TNNT3: variants seen among roughly 807,000 people sequenced by gnomAD.
TNNT3 encodes the protein troponin T, fast skeletal muscle.
Under a neutral mutation model 54.2 loss-of-function variants are expected in TNNT3, and 36 were observed. The ratio of observed to expected loss-of-function variants is 0.66; its 90% CI spans 0.51 to 0.88. The LOEUF (loss-of-function observed/expected upper bound fraction) is 0.88. Among genes scored for constraint, TNNT3 ranks in the 40% least tolerant of loss-of-function variants. TNNT3 has a pLI of 0.00. For missense variants in TNNT3, 291 were observed against 331.6 expected (o/e 0.88, Z 0.95); for synonymous variants, 120 against 109.7 (o/e 1.09, Z -0.59).
At position 1,933,975 on chromosome 11, in the gene TNNT3, A is replaced by C. The variant is rs754971798; in HGVS notation, c.333A>C (p.Ala111=). 1.9e-6 allele frequency: 3 copies of C among 1,612,610 alleles called. No individual in the cohort carries two copies. The East Asian group carries it at 6.7e-5, about 36-fold the overall frequency. ...AERAEQQRIR[A]EKERERQNRL... ...GAGCGGAGCAGCAGAGGATTCGTGC[A>C]GAGAAGGAGAGGGAGCGCCAGAACA... Residue 111 remains alanine (A), a synonymous_variant, in exon 11 of 16, where the codon GCA becomes GCC. Transcript: ENST00000278317.
At chr11:1,937,929 C>G (rs773207882) in intron 15 of TNNT3, among the ~76,000 whole-genome samples, 2 of 152,154 alleles carry the variant, frequency 1.3e-5, no homozygotes, top group African/African-American at 4.8e-5. Flanking sequence ...TGAGCAGCCG[C>G]GTCTGAATGG....
chr11:1,936,787 G>A (rs1308572217), intron 14 of TNNT3, among the ~76,000 whole-genome samples, 176 bp from the exon 15 acceptor site: 1 of 152,224 alleles, frequency 6.6e-6, no homozygotes, highest in Non-Finnish European at 1.5e-5. Context: ...GCCACGGGAC[G>A]GTGTCCCCCT....
At chr11:1,922,113 G>C (rs1298609253) in intron 1 of TNNT3, among the ~76,000 whole-genome samples, 1 of 152,176 alleles carries the variant, frequency 6.6e-6, no homozygotes, top group Admixed American at 6.5e-5. Context: ...CCGGGGGGGT[G>C]CACGGGAAGC....
At chr11:1,936,864 G>C in intron 14 of TNNT3, 99 bp from the exon 15 acceptor site, 1 of 1,310,178 alleles carries the variant, frequency 7.6e-7, no homozygotes, top group Non-Finnish European at 1.1e-6. Context: ...GCCCTGGGTC[G>C]CGCAGCCCAG....
intron 6 of TNNT3, chr11:1,928,870 T>C: frequency 5.4e-6 from 3 of 558,540 alleles, no homozygotes; most frequent in Non-Finnish European, 9.8e-6. Context: ...GTGTCCCTCC[T>C]ATTCTCCACT....
At chr11:1,925,432 C>T (rs1041370188) in intron 5 of TNNT3, 115 of 795,112 alleles carry the variant, frequency 1.4e-4, no homozygotes, top group Admixed American at 5.0e-4. Context: ...CCACTAACCG[C>T]GGCCAATGCT....
intron 5 of TNNT3, among the ~76,000 whole-genome samples, chr11:1,926,075 A>G (rs1047182068): frequency 1.3e-5 from 2 of 151,656 alleles, no homozygotes; most frequent in Non-Finnish European, 2.9e-5. Context: ...CCAGGCTACA[A>G]CCTCGCACGT....
rs1348643769 is a variant in TNNT3, at chr11:1,938,613, G to C, written c.*121G>C. On this transcript the variant is annotated 3_prime_UTR_variant, in exon 16 of 16. Coordinates refer to ENST00000278317, the MANE Select transcript of TNNT3 (RefSeq NM_006757.4). ...GTCAGGGGCTCCCTGACAGTCCTGG[G>C]GGTGGAGAGGCCATCCCGGGGCGTC... 1 of 1,071,928 alleles carries C rather than the reference G, an allele frequency of 9.3e-7. No homozygotes were observed. The highest frequency in any genetic ancestry group is 2.0e-5 in the Admixed American group (1 of 50,894). The allele number at this position is 1,071,928 out of a possible 1,614,324, so 66.4% of individuals were successfully genotyped here. A position where few individuals can be genotyped will look rare whatever the true frequency, so the allele number is the denominator to read the frequency against.
chr11:1,935,244 C>T (rs556445668), intron 14 of TNNT3: 11 of 434,794 alleles, frequency 2.5e-5, no homozygotes, highest in African/African-American at 1.8e-4. Context: ...ATTTTCGGAA[C>T]CCCTTTAAGC....
intron 5 of TNNT3, among the ~76,000 whole-genome samples, chr11:1,925,668 G>T (rs967136845): frequency 6.6e-6 from 1 of 152,108 alleles, no homozygotes; most frequent in African/African-American, 2.4e-5. Context: ...CAGGACGCCC[G>T]CCACATCTTG....
chr11:1,926,714 G>C lies in TNNT3; in HGVS notation c.82+5G>C. On this transcript the variant is annotated splice_donor_5th_base_variant and intron_variant, in intron 6 of 15. Transcript: ENST00000278317. ...CTGCAGAGGAAGTTCAAGAAGGTAC[G>C]CCGGCGCTCCCCCGCCTCCAGGCCA... 6.2e-7 allele frequency: 1 copy of C among 1,613,188 alleles called. No individual in the cohort carries two copies. Among genetic ancestry groups the C allele is most frequent in the Non-Finnish European group, 8.5e-7 (1 of 1,180,018 alleles).
chr11:1,938,512 C>G lies in TNNT3; in HGVS notation c.*20C>G. 1 of 1,612,586 alleles carries G rather than the reference C, an allele frequency of 6.2e-7. No individual in the cohort carries two copies. Among genetic ancestry groups the G allele is most frequent in the Non-Finnish European group, 8.5e-7 (1 of 1,179,544 alleles). On this transcript the variant is annotated 3_prime_UTR_variant, in exon 16 of 16. Coordinates refer to ENST00000278317, the MANE Select transcript of TNNT3 (RefSeq NM_006757.4). ...AAGTAGAGAGGCCAGAAAGGCCCCTCGAGGCAGAGACCCTCCGCCCTCTTG... is the reference window on the plus strand; with the variant it reads ...AAGTAGAGAGGCCAGAAAGGCCCCTGGAGGCAGAGACCCTCCGCCCTCTTG...
At chr11:1,936,316 C>G in intron 14 of TNNT3, 2 of 1,579,552 alleles carry the variant, frequency 1.3e-6, no homozygotes, top group Non-Finnish European at 1.7e-6. Context: ...TGAGGTGAAC[C>G]TCTCGCATGG....
chr11:1,925,237 C>A (rs1372292788), intron 5 of TNNT3, 121 bp downstream of exon 5: 2 of 1,606,860 alleles, frequency 1.2e-6, no homozygotes, highest in Non-Finnish European at 1.7e-6. Flanking sequence ...CCTCTCCTCT[C>A]TCCCCCGGCT....
chr11:1,938,274 TG>T, intron 15 of TNNT3, 163 bp from the exon 16 acceptor site: 1 of 766,604 alleles, frequency 1.3e-6, no homozygotes, highest in Non-Finnish European at 2.3e-6. Context: ...CACAGGTGAG[TG>T]GGCACTGCCC....
At chr11:1,937,045 G>C (rs1459427624) in intron 15 of TNNT3, 42 bp downstream of exon 15, 1 of 1,559,970 alleles carries the variant, frequency 6.4e-7, no homozygotes, top group Non-Finnish European at 8.7e-7. Context: ...GGGCACAGGG[G>C]CCCTTGGGGC....
chr11:1,920,915 T>A (rs568749809), intron 1 of TNNT3, among the ~76,000 whole-genome samples: 116 of 152,234 alleles, frequency 7.6e-4, no homozygotes, highest in Non-Finnish European at 1.5e-3. Context: ...TTGTGTTGCT[T>A]CCAGGCGCTC....
intron 8 of TNNT3, 56 bp downstream of exon 8, chr11:1,929,884 T>A: frequency 2.0e-6 from 3 of 1,469,246 alleles, no homozygotes; most frequent in Non-Finnish European, 2.7e-6. Flanking sequence ...GTGGGGGTGG[T>A]CAAGTGAGTG....
intron 8 of TNNT3, 117 bp from the exon 9 acceptor site, chr11:1,932,352 G>A (rs1298260200): frequency 1.1e-6 from 1 of 945,924 alleles, no homozygotes; most frequent in Non-Finnish European, 1.7e-6. Context: ...ATGCTTGGCT[G>A]GGGGCCAGAG....
Sources: allele counts gnomAD v4.1 joint callset (sites outside exome capture counted in the v4.1 genomes callset), GRCh38; gene constraint gnomAD v4.1.1; transcripts MANE v1.5; gene names NCBI Gene and HGNC (gene_info 2026-07-23, HGNC 2026-07-21).